The following LIX1L variants were observed in gnomAD, a reference collection of about 807,000 sequenced individuals.
The protein encoded by LIX1L is LIX1-like protein.
Under a neutral mutation model 34.0 loss-of-function variants are expected in LIX1L, and 20 were observed. The observed-to-expected ratio is 0.59, with a 90% CI of 0.41 to 0.85. LIX1L has a LOEUF of 0.85. LIX1L is among the 40% of genes least tolerant of loss of function. The pLI, the probability that LIX1L is intolerant of heterozygous loss-of-function variation, is 0.00. For synonymous variants in LIX1L, 170 were observed against 187.4 expected (o/e 0.91, Z 0.76); for missense variants, 397 against 447.0 (o/e 0.89, Z 1.01).
At chr1:145,957,594 T>G in intron 1 of LIX1L, 42 bp downstream of exon 1, 1 of 1,453,322 alleles carries the variant, frequency 6.9e-7, no homozygotes, top group Non-Finnish European at 9.0e-7. Context: ...CAAGGCTCCC[T>G]TACAGAGGGT....
intron 2 of LIX1L, chr1:145,947,148 A>G (rs1308827421): frequency 6.5e-6 from 1 of 154,330 alleles, no homozygotes; most frequent in Non-Finnish European, 1.4e-5. Flanking sequence ...AGAAGAATGT[A>G]AATTTGGATC....
chr1:145,936,938 C>G lies in LIX1L; in HGVS notation c.741G>C (p.Lys247Asn). 6.2e-7 allele frequency: 1 copy of G among 1,613,626 alleles called. No homozygotes were observed. Among genetic ancestry groups the G allele is most frequent in the South Asian group, 1.1e-5 (1 of 91,076 alleles). Residue 247 changes from lysine to asparagine, a missense_variant, in exon 5 of 6, where the codon AAG (lysine) becomes AAC (asparagine). Physicochemically the swap from Lys to Asn is moderately conservative, Grantham distance 94. Transcript: ENST00000604000. Reference sequence around the variant, plus strand: ...GAGAGCATTGTCGTTCCCTCATGGCCTTAAGGCTGCCATTCCAGTGTAGCA... The same window carrying G: ...GAGAGCATTGTCGTTCCCTCATGGCGTTAAGGCTGCCATTCCAGTGTAGCA... The part of the protein sequence containing the change: ...FQLLHWNGSL[K>N]AMRERQCSRQ...
intron 2 of LIX1L, among the ~76,000 whole-genome samples, chr1:145,946,387 C>T (rs997749641): frequency 3.3e-5 from 5 of 151,698 alleles, no homozygotes; most frequent in Non-Finnish European, 5.9e-5. Flanking sequence ...TTAGTAGAGA[C>T]GGGGTTTCAC....
Position 145,947,717 on chromosome 1 carries a change from T to A in LIX1L, c.358A>T (p.Asn120Tyr). 6.2e-7 allele frequency: 1 copy of A among 1,614,196 alleles called. No individual in the cohort carries two copies. The highest frequency in any genetic ancestry group is 8.5e-7 in the Non-Finnish European group (1 of 1,180,040). The change falls in exon 2 of 6, where the codon AAT (asparagine) becomes TAT (tyrosine). Residue 120 changes from asparagine (N) to tyrosine (Y), a missense_variant. Physicochemically the swap from Asn to Tyr is moderately radical, Grantham distance 143. Transcript: ENST00000604000. The stretch of plus-strand genomic sequence containing the variant: ...ATCTCATAAACCACTAGAGCCCCAT[T>A]CTTTAAGTCAGCACCACGGGACTGC... ...MKQSRGADLK[N>Y]GALVVYEMVP...
chr1:145,949,818 CTTT>C (rs587663292), intron 1 of LIX1L, among the ~76,000 whole-genome samples: 4 of 139,612 alleles, frequency 2.9e-5, no homozygotes, highest in African/African-American at 2.6e-5. Flanking sequence ...GACCACTCTC[CTTT>C]TTTTTTTTTT....
intron 2 of LIX1L, among the ~76,000 whole-genome samples, chr1:145,943,202 C>T (rs1402563533): frequency 3.3e-5 from 5 of 152,220 alleles, no homozygotes; most frequent in Non-Finnish European, 2.9e-5. Context: ...AGATTCTGGC[C>T]GGCTTAATAG....
chr1:145,937,623 T>C lies in LIX1L; in HGVS notation c.674A>G (p.Lys225Arg). The change falls in exon 4 of 6, where the codon AAA (lysine) becomes AGA (arginine). Residue 225 changes from lysine (K) to arginine (R), a missense_variant. Physicochemically the swap from Lys to Arg is conservative, Grantham distance 26. Coordinates refer to ENST00000604000, the MANE Select transcript of LIX1L (RefSeq NM_153713.3). ...FRFMLESNKG[K>R]SMLEFQELMT... is the part of the protein sequence containing the mutation. ...AAGTACCTGGAACTCCAACATTGATTTGCCCTTGTTGGATTCCAGCATGAA... is the reference window on the plus strand; with the variant it reads ...AAGTACCTGGAACTCCAACATTGATCTGCCCTTGTTGGATTCCAGCATGAA... The C allele has an allele frequency of 6.2e-7, 1 of 1,612,622 alleles. No homozygotes were observed. Among genetic ancestry groups the C allele is most frequent in the Non-Finnish European group, 8.5e-7 (1 of 1,178,778 alleles).
chr1:145,934,949 C>G lies in LIX1L; in HGVS notation c.*1361G>C, dbSNP rs587657897. 1 of 152,032 alleles carries G rather than the reference C, an allele frequency of 6.6e-6. No individual in the cohort carries two copies. Among genetic ancestry groups the G allele is most frequent in the East Asian group, 1.9e-4 (1 of 5,164 alleles). The allele number at this position is 152,032 out of a possible 1,614,324, so 9.4% of individuals were successfully genotyped here. On this transcript the variant is annotated 3_prime_UTR_variant, in exon 6 of 6. Coordinates refer to ENST00000604000, the MANE Select transcript of LIX1L (RefSeq NM_153713.3). ...TGGGAGGCTGAGGCGGGTGGATTAC[C>G]TTATGTCAGGAGTTCAAGAACAGCC...
In LIX1L at chr1:145,947,731, C is replaced by T; in HGVS notation, c.344G>A (p.Gly115Asp). The change falls in exon 2 of 6, where the codon GGT becomes GAT. Residue 115 changes from glycine to aspartate, a missense_variant. Around this residue, in one of 3 missense-constraint regions of LIX1L, gnomAD observed 207 missense variants for 205.2 expected, o/e 1.01. Transcript: ENST00000604000. ...QEFWQMKQSRGADLKNGALVV... is the reference protein window; with the variant it reads ...QEFWQMKQSRDADLKNGALVV... ...TAGAGCCCCATTCTTTAAGTCAGCA[C>T]CACGGGACTGCTTCATCTGCCAGAA... 1 of 1,614,130 alleles carries T rather than the reference C, an allele frequency of 6.2e-7. No homozygotes were observed. The highest frequency in any genetic ancestry group is 8.5e-7 in the Non-Finnish European group (1 of 1,180,016).
chr1:145,942,230 TAAAG>T (rs1257604384), intron 3 of LIX1L: 1 of 153,952 alleles, frequency 6.5e-6, no homozygotes, highest in Admixed American at 6.5e-5. Context: ...CAGTTGTAAA[TAAAG>T]AGAGTAAATA....
rs1553760602 is a variant in LIX1L at position 145,957,761 on chromosome 1, A to C, written c.167T>G (p.Leu56Arg). ...PPPPAPPPPP[L>R]LLSGAPGLPL... ...TAGTCCTGGGGCCCCAGACAGGAGCAGCGGCGGCGGGGGCGGTGCGGGAGG... is the reference window on the plus strand; with the variant it reads ...TAGTCCTGGGGCCCCAGACAGGAGCCGCGGCGGCGGGGGCGGTGCGGGAGG... The change falls in exon 1 of 6, where the codon CTG (leucine) becomes CGG (arginine). Residue 56 changes from leucine (L) to arginine (R), a missense_variant. Around this residue, in one of 3 missense-constraint regions of LIX1L, gnomAD observed 207 missense variants for 205.2 expected, o/e 1.01. Transcript: ENST00000604000. The C allele has an allele frequency of 1.5e-6, 2 of 1,360,830 alleles. No individual in the cohort carries two copies. The highest frequency in any genetic ancestry group is 6.1e-5 in the East Asian group (2 of 32,672). The allele number at this position is 1,360,830 out of a possible 1,614,324, so 84.3% of individuals were successfully genotyped here.
At chr1:145,940,716 A>G (rs1570962984) in intron 3 of LIX1L, among the ~76,000 whole-genome samples, 1 of 147,210 alleles carries the variant, frequency 6.8e-6, no homozygotes, top group African/African-American at 2.5e-5. Context: ...ACACCTGGCT[A>G]ATTTTTTTTT....
chr1:145,953,416 G>A (rs372925411), intron 1 of LIX1L, among the ~76,000 whole-genome samples: 2 of 152,252 alleles, frequency 1.3e-5, no homozygotes, highest in African/African-American at 2.4e-5. Flanking sequence ...AGAGGATGGC[G>A]AGAATAGACT....
intron 2 of LIX1L, among the ~76,000 whole-genome samples, chr1:145,945,932 C>CA (rs782015208): frequency 0.035 from 2,521 of 71,822 alleles, 75 homozygotes; most frequent in African/African-American, 0.093. Context: ...CTAAAAATAC[C>CA]AAAAAAAAAA....
At chr1:145,937,743 G>A (rs781966937) in intron 3 of LIX1L, 44 bp from the exon 4 acceptor site, 1 of 1,170,424 alleles carries the variant, frequency 8.5e-7, no homozygotes, top group Non-Finnish European at 1.3e-6. Context: ...TTTCAACCAG[G>A]ATTATCATCT....
chr1:145,936,461 G>A lies in LIX1L; in HGVS notation c.863C>T (p.Pro288Leu), dbSNP rs587616069. The change falls in exon 6 of 6, where the codon CCG becomes CTG. Residue 288 changes from proline to leucine, a missense_variant. Around this residue, in one of 3 missense-constraint regions of LIX1L, gnomAD observed 174 missense variants for 204.0 expected, o/e 0.85. Transcript: ENST00000604000. ...LDWVSREQSVPGALSRELAST... is the reference protein window; with the variant it reads ...LDWVSREQSVLGALSRELAST... ...GGCCAGCTCTCTAGACAGTGCCCCC[G>A]GCACACTCTGCTCCCGGCTCACCCA... 9.0e-5 allele frequency: 145 copies of A among 1,614,126 alleles called. 1 individual carries two copies. In the East Asian group the frequency reaches 9.4e-4, roughly 10 times the overall value.
intron 4 of LIX1L, 48 bp downstream of exon 4, chr1:145,937,556 G>T: frequency 1.8e-6 from 2 of 1,116,372 alleles, no homozygotes; most frequent in Non-Finnish European, 2.7e-6. Context: ...TATTACAGTA[G>T]CAGGCTGACC....
At position 145,954,549 on chromosome 1, in the gene LIX1L, T is replaced by C. The variant is rs1553760177; in HGVS notation, c.292+3087A>G. ...CAAAATCTCCAATCATGCAGCCATA[T>C]TGTAACATAAAAGGATAGCAATACT... On this transcript the variant is annotated intron_variant, in intron 1 of 5. Transcript: ENST00000604000. Among the ~76,000 whole-genome samples, 3 of 152,242 alleles carry C rather than the reference T, an allele frequency of 2.0e-5. No individual in the cohort carries two copies. In the South Asian group the frequency reaches 6.2e-4, roughly 32 times the overall value.
chr1:145,951,464 T>C (rs988669125), intron 1 of LIX1L, among the ~76,000 whole-genome samples: 5 of 152,166 alleles, frequency 3.3e-5, no homozygotes, highest in Admixed American at 2.0e-4. Context: ...TTTAATAACC[T>C]ACATTTAACT....
Sources: allele counts gnomAD v4.1 joint callset (sites outside exome capture counted in the v4.1 genomes callset), GRCh38; gene constraint gnomAD v4.1.1; regional missense constraint gnomAD v4.1.1; transcripts MANE v1.5; gene names NCBI Gene and HGNC (gene_info 2026-07-23, HGNC 2026-07-21).